The following GLIS3 variants were observed in gnomAD, a reference collection of about 807,000 sequenced individuals.
The protein encoded by GLIS3 is zinc finger protein GLIS3.
Under a neutral mutation model 78.6 loss-of-function variants are expected in GLIS3, and 53 were observed. The observed-to-expected ratio is 0.67, with a 90% CI of 0.54 to 0.85. The LOEUF is 0.85. GLIS3 is among the 40% of genes least tolerant of loss of function. The pLI is 0.00. For synonymous variants in GLIS3, 684 were observed against 509.9 expected (o/e 1.34, Z -4.60); for missense variants, 1,703 against 1,231.1 (o/e 1.38, Z -5.74).
chr9:4,183,510 A>T (rs926658152), intron 2 of GLIS3, among the ~76,000 whole-genome samples: 4 of 152,210 alleles, frequency 2.6e-5, no homozygotes, highest in African/African-American at 9.7e-5. Flanking sequence ...GGAAGCAGCG[A>T]TCCTGAAAGC....
chr9:4,367,363 C>G, the GLIS3 span, among the ~76,000 whole-genome samples: 4 of 152,218 alleles, frequency 2.6e-5, no homozygotes, highest in African/African-American at 9.6e-5. Context: ...CTGTCTAAGT[C>G]TTACATATCC....
At chr9:4,460,137 G>T in the GLIS3 span, among the ~76,000 whole-genome samples, 2 of 152,054 alleles carry the variant, frequency 1.3e-5, no homozygotes, top group Non-Finnish European at 2.9e-5. Context: ...CAATTTGGTG[G>T]CTCGGTGGTG....
intron 4 of GLIS3, among the ~76,000 whole-genome samples, chr9:3,967,636 T>C (rs1009596279): frequency 6.6e-6 from 1 of 152,166 alleles, no homozygotes; most frequent in Non-Finnish European, 1.5e-5. Context: ...TTATAATACA[T>C]CAATACTACA....
intron 2 of GLIS3, among the ~76,000 whole-genome samples, chr9:4,344,699 A>C (rs1171359063): frequency 6.6e-6 from 1 of 152,238 alleles, no homozygotes; most frequent in African/African-American, 2.4e-5. Context: ...TTGGATGACC[A>C]AGAGGCATCC....
chr9:4,112,638 C>G (rs1237889771), intron 4 of GLIS3, among the ~76,000 whole-genome samples: 1 of 152,102 alleles, frequency 6.6e-6, no homozygotes, highest in South Asian at 2.1e-4. Context: ...AAGTATGGAA[C>G]AGCTAAATAA....
At chr9:3,866,849 G>A (rs6476722) in intron 8 of GLIS3, among the ~76,000 whole-genome samples, 138,087 of 152,164 alleles carry the variant, frequency 0.91, 63,003 homozygotes, top group East Asian at 1. Context: ...GTGTAGAGCA[G>A]TGCCATGTGT....
the GLIS3 span, among the ~76,000 whole-genome samples, chr9:4,358,234 G>C: frequency 6.6e-6 from 1 of 152,070 alleles, no homozygotes; most frequent in Non-Finnish European, 1.5e-5. Flanking sequence ...GAGACTGGTC[G>C]CCAGAGTAAC....
chr9:4,249,879 T>C (rs1232849919), intron 2 of GLIS3, among the ~76,000 whole-genome samples: 1 of 152,222 alleles, frequency 6.6e-6, no homozygotes, highest in Non-Finnish European at 1.5e-5. Context: ...GAGATAACCA[T>C]GTGGTTTTTG....
intron 6 of GLIS3, among the ~76,000 whole-genome samples, chr9:3,907,600 C>A (rs201856862): frequency 0.024 from 2,908 of 120,264 alleles, 52 homozygotes; most frequent in Middle Eastern, 0.054. Flanking sequence ...ATCCTCCACC[C>A]CCCAAACACA....
chr9:4,157,421 C>T (rs1336731943), intron 2 of GLIS3, among the ~76,000 whole-genome samples: 1 of 152,164 alleles, frequency 6.6e-6, no homozygotes, highest in South Asian at 2.1e-4. Context: ...ATCCCTGTTG[C>T]ACAATGAAAT....
At chr9:4,378,210 A>G in the GLIS3 span, among the ~76,000 whole-genome samples, 1 of 152,196 alleles carries the variant, frequency 6.6e-6, no homozygotes, top group East Asian at 1.9e-4. Flanking sequence ...GATACTATAT[A>G]TATATATAAT....
At chr9:4,415,989 T>C in the GLIS3 span, among the ~76,000 whole-genome samples, 3 of 150,808 alleles carry the variant, frequency 2.0e-5, no homozygotes, top group African/African-American at 4.8e-5. Context: ...AAATATATTA[T>C]ATACATTGTT....
intron 4 of GLIS3, among the ~76,000 whole-genome samples, chr9:4,045,388 T>C (rs746918078): frequency 1.3e-5 from 2 of 151,968 alleles, no homozygotes; most frequent in African/African-American, 2.4e-5. Flanking sequence ...CAGGCTGGAG[T>C]GCAGTGGTGC....
At position 3,987,761 on chromosome 9, in the gene GLIS3, C is replaced by CAA. The variant is rs60986898; in HGVS notation, c.1711-50574_1711-50573dup. On this transcript the variant is annotated intron_variant, in intron 4 of 10. Transcript: ENST00000381971. ...ATGGCTGAAAACTCCCTGGATTTGGCAAAAAAAAAAAAAAAAAAAAAAAAA... is the reference window on the plus strand; with the variant it reads ...ATGGCTGAAAACTCCCTGGATTTGGCAAAAAAAAAAAAAAAAAAAAAAAAAAA... Among the ~76,000 whole-genome samples the CAA allele has an allele frequency of 2.0e-3, 21 of 10,454 alleles. 1 individual carries two copies. Among genetic ancestry groups the CAA allele is most frequent in the African/African-American group, 2.4e-3 (7 of 2,886 alleles). 6.9% of individuals were successfully genotyped at this position (10,454 alleles called of 152,430 possible).
At chr9:3,903,856 T>C (rs533710689) in intron 6 of GLIS3, among the ~76,000 whole-genome samples, 3 of 151,606 alleles carry the variant, frequency 2.0e-5, no homozygotes, top group Non-Finnish European at 2.9e-5. Context: ...ACTTGAGGAG[T>C]TGGAGAAATT....
intron 4 of GLIS3, among the ~76,000 whole-genome samples, chr9:4,066,857 C>G (rs545489229): frequency 1.5e-4 from 23 of 152,282 alleles, no homozygotes; most frequent in Non-Finnish European, 2.6e-4. Flanking sequence ...GTGGCACTTA[C>G]GGTGCAACAA....
intron 4 of GLIS3, among the ~76,000 whole-genome samples, chr9:4,003,309 T>C (rs901539904): frequency 6.6e-6 from 1 of 151,934 alleles, no homozygotes; most frequent in Non-Finnish European, 1.5e-5. Flanking sequence ...ATAACAGAAT[T>C]CTCCATAGCA....
intron 2 of GLIS3, among the ~76,000 whole-genome samples, chr9:4,270,035 A>C (rs1437382711): frequency 1.3e-5 from 2 of 152,246 alleles, no homozygotes; most frequent in African/African-American, 4.8e-5. Context: ...AGTGCTCTGC[A>C]GTAAGACAGA....
At chr9:4,332,654 C>G (rs1373381681) in intron 2 of GLIS3, among the ~76,000 whole-genome samples, 1 of 152,186 alleles carries the variant, frequency 6.6e-6, no homozygotes, top group African/African-American at 2.4e-5. Flanking sequence ...AAACTACCAA[C>G]CTACCTCTGG....
Sources: gnomAD v4.1 joint callset for allele counts (sites outside exome capture counted in the v4.1 genomes callset) on GRCh38, gnomAD v4.1.1 for gene constraint, MANE v1.5 for transcripts, NCBI Gene and HGNC (gene_info 2026-07-23, HGNC 2026-07-21) for gene names.